Variants in NPEPPS observed in about 807,000 individuals in gnomAD.
NPEPPS encodes aminopeptidase puromycin sensitive.
NPEPPS carries 14 observed loss-of-function variants against 115.5 expected under a neutral mutation model. That is an observed-to-expected ratio of 0.12 (90% CI 0.08 to 0.19). NPEPPS has a LOEUF of 0.19. Ranked by LOEUF, NPEPPS falls within the 10% of genes least tolerant of loss-of-function variation. NPEPPS has a pLI of 1.00. For missense variants in NPEPPS, 523 were observed against 1,110.8 expected (o/e 0.47, Z 7.52); for synonymous variants, 285 against 390.6 (o/e 0.73, Z 3.19).
chr17:47,613,979 A>ATT (rs113187043), intron 19 of NPEPPS, among the ~76,000 whole-genome samples: 4 of 141,362 alleles, frequency 2.8e-5, no homozygotes, highest in African/African-American at 5.2e-5. Flanking sequence ...TCTTATTATT[A>ATT]TTTTTTTTTT....
rs762460027 is a variant in NPEPPS at position 47,592,586 on chromosome 17, T to C, written c.1426+41T>C. On this transcript the variant is annotated intron_variant, in intron 12 of 22. Transcript: ENST00000322157. ...TTGAGATAGAAATGGAGAGAAAGTA[T>C]TGTCACTCTATCCAGGCTGGGACAT... 1.4e-5 allele frequency: 21 copies of C among 1,506,852 alleles called. No individual in the cohort carries two copies. The South Asian group carries it at 2.5e-4, about 18-fold the overall frequency. The allele number at this position is 1,506,852 out of a possible 1,614,324, so 93.3% of individuals were successfully genotyped here.
At chr17:47,564,082 G>A (rs1431676832) in intron 2 of NPEPPS, among the ~76,000 whole-genome samples, 6 of 151,746 alleles carry the variant, frequency 4.0e-5, no homozygotes, top group Admixed American at 3.3e-4. Flanking sequence ...ACAGGCGCAC[G>A]CCACCATGCC....
Position 47,618,388 on chromosome 17 carries a change from A to T in NPEPPS, c.2334A>T (p.Arg778=). The T allele has an allele frequency of 6.2e-7, 1 of 1,613,878 alleles. No individual in the cohort carries two copies. Among genetic ancestry groups the T allele is most frequent in the East Asian group, 2.2e-5 (1 of 44,876 alleles). ...KQADMQEEKN[R]IERVLGATLL... is the part of the protein sequence containing the mutation. ...CAGATATGCAAGAAGAGAAAAACCG[A>T]ATCGAAAGAGTCCTTGGCGCTACTC... The change falls in exon 20 of 23, where the codon CGA becomes CGT. Residue 778 remains arginine, a synonymous_variant. Transcript: ENST00000322157.
At chr17:47,592,694 ATC>A in intron 12 of NPEPPS, 149 bp downstream of exon 12, 1 of 632,376 alleles carries the variant, frequency 1.6e-6, no homozygotes, top group Non-Finnish European at 2.6e-6. Context: ...CAGGTTGAAT[ATC>A]TCTAATCTCA....
At chr17:47,615,750 T>C (rs906172432) in intron 19 of NPEPPS, among the ~76,000 whole-genome samples, 2 of 152,192 alleles carry the variant, frequency 1.3e-5, no homozygotes, top group African/African-American at 4.8e-5. Flanking sequence ...GGCAGATACA[T>C]TGATATTTTC....
chr17:47,531,971 C>T (rs1291029469), intron 1 of NPEPPS, among the ~76,000 whole-genome samples: 2 of 152,164 alleles, frequency 1.3e-5, no homozygotes, highest in East Asian at 3.9e-4. Flanking sequence ...CTGCCTCAAC[C>T]ACCTGACTCA....
At chr17:47,612,427 G>A (rs1217431791) in intron 17 of NPEPPS, 33 bp from the exon 18 acceptor site, 1 of 1,602,790 alleles carries the variant, frequency 6.2e-7, no homozygotes, top group African/African-American at 1.3e-5. Flanking sequence ...GGCTTTTTAA[G>A]TAGTCTTATG....
At chr17:47,609,088 G>T (rs1409587926) in intron 17 of NPEPPS, among the ~76,000 whole-genome samples, 1 of 152,064 alleles carries the variant, frequency 6.6e-6, no homozygotes, top group African/African-American at 2.4e-5. Context: ...TTTAAGTTGG[G>T]AGATTTTATA....
At chr17:47,543,052 G>A (rs371505837) in intron 1 of NPEPPS, among the ~76,000 whole-genome samples, 2 of 151,080 alleles carry the variant, frequency 1.3e-5, no homozygotes, top group Non-Finnish European at 2.9e-5. Flanking sequence ...CAGGAGAATC[G>A]CTTGAACCTA....
intron 2 of NPEPPS, among the ~76,000 whole-genome samples, chr17:47,551,767 CTGTT>C (rs1400519102): frequency 9.7e-6 from 1 of 103,604 alleles, no homozygotes; most frequent in Non-Finnish European, 2.1e-5. Flanking sequence ...CTTAAATACT[CTGTT>C]TAAGTGATAG....
chr17:47,595,637 T>C (rs931887341), intron 12 of NPEPPS, among the ~76,000 whole-genome samples: 1 of 151,772 alleles, frequency 6.6e-6, no homozygotes, highest in Non-Finnish European at 1.5e-5. Context: ...GAGCCCGGGA[T>C]TTTGAGACCA....
At chr17:47,607,531 G>C (rs2143938736) in intron 17 of NPEPPS, among the ~76,000 whole-genome samples, 1 of 152,312 alleles carries the variant, frequency 6.6e-6, no homozygotes, top group Non-Finnish European at 1.5e-5. Context: ...TTAGTGATAT[G>C]ACATGCTAAT....
At chr17:47,619,887 G>A in intron 22 of NPEPPS, 103 bp downstream of exon 22, 1 of 973,722 alleles carries the variant, frequency 1.0e-6, no homozygotes, top group Non-Finnish European at 1.6e-6. Flanking sequence ...GCATCTCTGT[G>A]TTTTTGTTTA....
intron 1 of NPEPPS, among the ~76,000 whole-genome samples, chr17:47,535,548 TCAA>T (rs1908172963): frequency 1.2e-5 from 1 of 83,942 alleles, no homozygotes. Flanking sequence ...AGGCTCCGTC[TCAA>T]AAAAAAAAAA....
At position 47,591,923 on chromosome 17, in the gene NPEPPS, C is replaced by G. The variant is rs2143873892; in HGVS notation, c.1261-33C>G. 3 of 737,426 alleles carry G rather than the reference C, an allele frequency of 4.1e-6. No individual in the cohort carries two copies. In the East Asian group the frequency reaches 8.1e-5, roughly 20 times the overall value. The allele number at this position is 737,426 out of a possible 1,614,324, so 45.7% of individuals were successfully genotyped here. A position where few individuals can be genotyped will look rare whatever the true frequency, so the allele number is the denominator to read the frequency against. Reference sequence around the variant, plus strand: ...ATTCAGTATTACAGGCTATCTGCTTCCTGTCATAACCCTGAATCACACTGT... The same window carrying G: ...ATTCAGTATTACAGGCTATCTGCTTGCTGTCATAACCCTGAATCACACTGT... On this transcript the variant is annotated intron_variant, in intron 10 of 22. Transcript: ENST00000322157.
In NPEPPS at chr17:47,622,281, CT is replaced by C. The variant is rs747442625; in HGVS notation, c.*363del. ...TAACCTACCAAAAGGAAACTAGAGGCTTCTTGGTGAAGAGCATTTTTGTGAA... is the reference window on the plus strand; with the variant it reads ...TAACCTACCAAAAGGAAACTAGAGGCTCTTGGTGAAGAGCATTTTTGTGAA... On this transcript the variant is annotated 3_prime_UTR_variant, in exon 23 of 23. Transcript: ENST00000322157. The C allele has an allele frequency of 5.3e-5, 11 of 209,170 alleles. No individual in the cohort carries two copies. Among genetic ancestry groups the C allele is most frequent in the Middle Eastern group, 2.5e-3 (1 of 404 alleles). 13.0% of individuals were successfully genotyped at this position (209,170 alleles called of 1,614,324 possible).
intron 15 of NPEPPS, among the ~76,000 whole-genome samples, chr17:47,602,515 G>A (rs968113801): frequency 4.0e-5 from 6 of 151,644 alleles, no homozygotes; most frequent in Non-Finnish European, 7.4e-5. Flanking sequence ...GTGTGCACCT[G>A]TAATCCCAGC....
intron 19 of NPEPPS, among the ~76,000 whole-genome samples, chr17:47,617,166 C>T (rs1445395738): frequency 6.6e-6 from 1 of 152,088 alleles, no homozygotes; most frequent in Admixed American, 6.6e-5. Flanking sequence ...GTATAACATG[C>T]TCTCTTTCCA....
intron 2 of NPEPPS, among the ~76,000 whole-genome samples, chr17:47,554,150 C>T (rs528250454): frequency 6.6e-6 from 1 of 151,846 alleles, no homozygotes; most frequent in Non-Finnish European, 1.5e-5. Context: ...AAGCAAGTCT[C>T]CTGCCTCAGC....
Sources: gnomAD v4.1 joint callset for allele counts (sites outside exome capture counted in the v4.1 genomes callset) on GRCh38, gnomAD v4.1.1 for gene constraint, MANE v1.5 for transcripts, NCBI Gene and HGNC (gene_info 2026-07-23, HGNC 2026-07-21) for gene names.